The following TMEM132B variants were observed in gnomAD, a reference collection of about 807,000 sequenced individuals.
TMEM132B encodes transmembrane protein 132B.
Under a neutral mutation model 90.8 loss-of-function variants are expected in TMEM132B, and 18 were observed. The ratio of observed to expected loss-of-function variants is 0.20; its 90% CI spans 0.14 to 0.29. The LOEUF (loss-of-function observed/expected upper bound fraction) is 0.29, where lower values mean the gene tolerates loss of function less well. TMEM132B is among the 10% of genes least tolerant of loss of function. The probability of loss-of-function intolerance (pLI) is 1.00; values close to 1 mark genes in which losing one functional copy is unlikely to be tolerated. For synonymous variants in TMEM132B, 504 were observed against 523.3 expected (o/e 0.96, Z 0.50); for missense variants, 1,096 against 1,326.8 (o/e 0.83, Z 2.70).
At chr12:125,562,873 A>G (rs1476053463) in intron 4 of TMEM132B, among the ~76,000 whole-genome samples, 1 of 152,068 alleles carries the variant, frequency 6.6e-6, no homozygotes, top group Non-Finnish European at 1.5e-5. Context: ...GTTTTGTTAT[A>G]AATTACCCAG....
chr12:125,564,434 T>C (rs1220622878), intron 4 of TMEM132B, among the ~76,000 whole-genome samples: 1 of 152,212 alleles, frequency 6.6e-6, no homozygotes, highest in East Asian at 1.9e-4. Context: ...TTTCTTGAGA[T>C]AGAAATTCTA....
At chr12:125,616,259 G>A (rs1885983736) in intron 5 of TMEM132B, among the ~76,000 whole-genome samples, 2 of 152,040 alleles carry the variant, frequency 1.3e-5, no homozygotes, top group African/African-American at 4.8e-5. Context: ...CCCTACAAAG[G>A]ACATGAACTC....
intron 3 of TMEM132B, among the ~76,000 whole-genome samples, chr12:125,450,680 T>C (rs1299926667): frequency 1.3e-5 from 2 of 152,192 alleles, no homozygotes; most frequent in African/African-American, 2.4e-5. Context: ...ATTTTGATGA[T>C]TGGCACATTA....
Position 125,251,640 on chromosome 12 carries a change from G to T in TMEM132B, c.67+64774G>T, listed in dbSNP as rs369449061. Among the ~76,000 whole-genome samples, 2 of 152,162 alleles carry T rather than the reference G, an allele frequency of 1.3e-5. No individual in the cohort carries two copies. Among genetic ancestry groups the T allele is most frequent in the South Asian group, 2.1e-4 (1 of 4,826 alleles). ...ACTGATACCCAGGCTCGGGGCTGCTGAGACAATAGGGAACGGTGTGGACTC... is the reference window on the plus strand; with the variant it reads ...ACTGATACCCAGGCTCGGGGCTGCTTAGACAATAGGGAACGGTGTGGACTC... On this transcript the variant is annotated intron_variant, in intron 1 of 8. Coordinates refer to ENST00000682704, the MANE Select transcript of TMEM132B (RefSeq NM_001366854.1). The surrounding 1 kb of genome is among the most constrained non-coding windows in gnomAD (Gnocchi z 4.4).
rs926971960 is a variant in TMEM132B, at chr12:125,659,200, G to T, written c.*4490G>T. 6.6e-6 allele frequency: 1 copy of T among 152,204 alleles called. No individual in the cohort carries two copies. Among genetic ancestry groups the T allele is most frequent in the African/African-American group, 2.4e-5 (1 of 41,456 alleles). 9.4% of individuals were successfully genotyped at this position (152,204 alleles called of 1,614,324 possible). A position where few individuals can be genotyped will look rare whatever the true frequency, so the allele number is the denominator to read the frequency against. The stretch of plus-strand genomic sequence containing the variant: ...AAAACATTTCTTAAAAGTTGCCAAC[G>T]TATTTTACCTTGAAAACATTTCTTA... On this transcript the variant is annotated 3_prime_UTR_variant, in exon 9 of 9. Coordinates refer to ENST00000682704, the MANE Select transcript of TMEM132B (RefSeq NM_001366854.1).
At chr12:125,355,116 G>C (rs1877724950) in intron 2 of TMEM132B, among the ~76,000 whole-genome samples, 1 of 151,814 alleles carries the variant, frequency 6.6e-6, no homozygotes, top group Non-Finnish European at 1.5e-5. Context: ...CACTACTAAA[G>C]CTCTCTGGGT....
intron 3 of TMEM132B, among the ~76,000 whole-genome samples, chr12:125,464,878 A>T (rs1175098370): frequency 6.6e-6 from 1 of 152,220 alleles, no homozygotes; most frequent in Non-Finnish European, 1.5e-5. Flanking sequence ...GCTCTGGCTT[A>T]ATTACAGTAG....
chr12:125,333,935 A>T (rs1419251539), intron 1 of TMEM132B, among the ~76,000 whole-genome samples: 2 of 152,190 alleles, frequency 1.3e-5, no homozygotes, highest in Non-Finnish European at 2.9e-5. Context: ...GTTAACTCAC[A>T]TGTCCTCAGG....
chr12:125,280,195 C>T (rs1290698721), intron 1 of TMEM132B, among the ~76,000 whole-genome samples: 1 of 152,148 alleles, frequency 6.6e-6, no homozygotes, highest in Admixed American at 6.5e-5. Context: ...TGGAAACTAG[C>T]TTTAGTCTAA....
intron 1 of TMEM132B, among the ~76,000 whole-genome samples, chr12:125,278,740 C>T (rs1011560963): frequency 6.6e-6 from 1 of 152,106 alleles, no homozygotes; most frequent in African/African-American, 2.4e-5. Context: ...CACTGGCCTT[C>T]CCTGTCCATG....
intron 1 of TMEM132B, among the ~76,000 whole-genome samples, chr12:125,313,578 C>T (rs1472952374): frequency 1.2e-5 from 1 of 81,414 alleles, no homozygotes; most frequent in Non-Finnish European, 2.4e-5. Context: ...TCTCCTTTCC[C>T]CTCCCCTCCC....
At chr12:125,210,602 T>C (rs1210043842) in intron 1 of TMEM132B, among the ~76,000 whole-genome samples, 1 of 151,268 alleles carries the variant, frequency 6.6e-6, no homozygotes, top group Non-Finnish European at 1.5e-5. Flanking sequence ...TGCTGTCGTC[T>C]GGTGAGCAGT....
intron 3 of TMEM132B, among the ~76,000 whole-genome samples, chr12:125,422,672 G>T (rs1880202153): frequency 6.6e-6 from 1 of 152,160 alleles, no homozygotes; most frequent in Non-Finnish European, 1.5e-5. Flanking sequence ...CCAAGGACTG[G>T]TGTCGTTTTA....
intron 3 of TMEM132B, among the ~76,000 whole-genome samples, chr12:125,431,925 T>A (rs1880520881): frequency 6.6e-6 from 1 of 152,194 alleles, no homozygotes; most frequent in African/African-American, 2.4e-5. Flanking sequence ...TGGAAACCTC[T>A]GGTGACTTCA....
intron 1 of TMEM132B, among the ~76,000 whole-genome samples, chr12:125,288,039 T>C (rs1875413133): frequency 6.6e-6 from 1 of 151,960 alleles, no homozygotes; most frequent in South Asian, 2.1e-4. Flanking sequence ...TTCAGCTAAT[T>C]TTTTTGGTAT....
chr12:125,585,148 C>T lies in TMEM132B; in HGVS notation c.1437+1154C>T, dbSNP rs952591161. On this transcript the variant is annotated intron_variant, in intron 5 of 8. Transcript: ENST00000682704. The stretch of plus-strand genomic sequence containing the variant: ...TTTCGGAAAAAAAGACTGATGTATT[C>T]GTGAGGTCTAATTAACAAAGAAATT... The T allele has an allele frequency of 4.6e-5, 7 of 152,290 alleles. No individual in the cohort carries two copies. The East Asian group carries it at 7.7e-4, about 17-fold the overall frequency. 9.4% of individuals were successfully genotyped at this position (152,290 alleles called of 1,614,324 possible). A position where few individuals can be genotyped will look rare whatever the true frequency, so the allele number is the denominator to read the frequency against.
intron 1 of TMEM132B, among the ~76,000 whole-genome samples, chr12:125,286,882 T>C (rs2136139812): frequency 6.6e-6 from 1 of 152,178 alleles, no homozygotes; most frequent in Admixed American, 6.5e-5. Flanking sequence ...TTTTTACTTT[T>C]AGTAGAGACG....
At chr12:125,650,622 A>G in intron 6 of TMEM132B, 61 bp from the exon 7 acceptor site, 1 of 1,565,382 alleles carries the variant, frequency 6.4e-7, no homozygotes. Context: ...CTGAAAAACA[A>G]GGGCATGCAG....
Position 125,240,874 on chromosome 12 carries a change from C to T in TMEM132B, c.67+54008C>T, listed in dbSNP as rs369121837. ...GGCTGGAAGCTCCAAAATGCCGGGCCCTCGTCCCATGCCTGACGGAGAGCA... is the reference window on the plus strand; with the variant it reads ...GGCTGGAAGCTCCAAAATGCCGGGCTCTCGTCCCATGCCTGACGGAGAGCA... On this transcript the variant is annotated intron_variant, in intron 1 of 8. Coordinates refer to ENST00000682704, the MANE Select transcript of TMEM132B (RefSeq NM_001366854.1). 1.2e-4 allele frequency among the ~76,000 whole-genome samples: 18 copies of T among 152,288 alleles called. No individual in the cohort carries two copies. In the South Asian group the frequency reaches 2.3e-3, roughly 19 times the overall value.
Sources: gnomAD v4.1 joint callset for allele counts (sites outside exome capture counted in the v4.1 genomes callset) on GRCh38, gnomAD v4.1.1 for gene constraint, Gnocchi (gnomAD v3.1) non-coding constraint, MANE v1.5 for transcripts, NCBI Gene and HGNC (gene_info 2026-07-23, HGNC 2026-07-21) for gene names.